Variants in ZBP1 observed in about 807,000 individuals in gnomAD.
The protein encoded by ZBP1 is Z-DNA-binding protein 1.
ZBP1 carries 42 observed loss-of-function variants against 41.1 expected under a neutral mutation model. The ratio of observed to expected loss-of-function variants is 1.02; its 90% CI spans 0.80 to 1.32. The LOEUF is 1.32. Among genes scored for constraint, ZBP1 ranks in the 40% most tolerant of loss-of-function variants. The probability of loss-of-function intolerance (pLI) is 0.00; values close to 1 mark genes in which losing one functional copy is unlikely to be tolerated. For missense variants in ZBP1, 562 were observed against 549.7 expected, an observed-to-expected ratio of 1.02 and a Z score of -0.22; for synonymous variants, 214 against 205.2, an observed-to-expected ratio of 1.04 and a Z score of -0.37.
At chr20:57,611,329 C>T (rs1351567239) in intron 6 of ZBP1, among the ~76,000 whole-genome samples, 1 of 151,966 alleles carries the variant, frequency 6.6e-6, no homozygotes, top group South Asian at 2.1e-4. Context: ...ACTGCAACCT[C>T]TGCCTCCCAG....
In ZBP1 at chr20:57,611,746, G is replaced by C. The variant is rs747511830; in HGVS notation, c.855C>G (p.Ile285Met). The change falls in exon 6 of 8, where the codon ATC (isoleucine) becomes ATG (methionine). Residue 285 changes from isoleucine (I) to methionine (M), a missense_variant. Ile to Met is a conservative substitution (Grantham distance 10, BLOSUM62 1). Transcript: ENST00000371173. Reference sequence around the variant, plus strand: ...AGTTACCTGGGGGGCTGCCAGGGGGGATGTGGGCAGGGCCCTCGGACGGGA... The same window carrying C: ...AGTTACCTGGGGGGCTGCCAGGGGGCATGTGGGCAGGGCCCTCGGACGGGA... ...HGVPSEGPAH[I>M]PPGSPPVSAT... 1.9e-6 allele frequency: 3 copies of C among 1,611,224 alleles called. No individual in the cohort carries two copies. Among genetic ancestry groups the C allele is most frequent in the Non-Finnish European group, 2.5e-6 (3 of 1,179,272 alleles).
chr20:57,610,192 TC>T lies in ZBP1; in HGVS notation c.1049del (p.Gly350GlufsTer50), dbSNP rs2070618680. ...MSISPGVAGP[G>X]GVAGSGEGEP... ...CCCCCTCTCCAGACCCTGCGACTCC[TC>T]CTGGGCCAGCCACCCCTGGGCTGAT... On this transcript the variant is annotated frameshift_variant, in exon 7 of 8. Transcript: ENST00000371173. LOFTEE classifies it low-confidence loss of function (END_TRUNC). The surrounding 1 kb of genome is among the most constrained non-coding windows in gnomAD (Gnocchi z 5.5). 6.2e-7 allele frequency: 1 copy of T among 1,614,118 alleles called. No individual in the cohort carries two copies. Among genetic ancestry groups the T allele is most frequent in the Middle Eastern group, 1.7e-4 (1 of 6,048 alleles).
At chr20:57,607,261 A>C in intron 7 of ZBP1, 1 of 1,303,524 alleles carries the variant, frequency 7.7e-7, no homozygotes, top group Non-Finnish European at 1.0e-6. Context: ...AAATTTCATG[A>C]ATGACTTTGA....
At chr20:57,620,167 C>T in intron 1 of ZBP1, 95 bp downstream of exon 1, 1 of 1,434,164 alleles carries the variant, frequency 7.0e-7, no homozygotes, top group African/African-American at 1.4e-5. Flanking sequence ...CTGCTATTGT[C>T]ATCATGATCT....
intron 7 of ZBP1, among the ~76,000 whole-genome samples, chr20:57,605,552 A>G (rs1045067700): frequency 6.6e-6 from 1 of 152,198 alleles, no homozygotes; most frequent in African/African-American, 2.4e-5. Context: ...CTAACCTGTC[A>G]CTGATCAGCC....
At chr20:57,615,300 C>G (rs1395297847) in intron 3 of ZBP1, 1 of 683,924 alleles carries the variant, frequency 1.5e-6, no homozygotes, top group African/African-American at 1.8e-5. Context: ...TGAGGGTCAG[C>G]TATTGTCTGA....
chr20:57,619,159 C>G (rs558552078), intron 1 of ZBP1, among the ~76,000 whole-genome samples: 3 of 152,210 alleles, frequency 2.0e-5, no homozygotes, highest in Non-Finnish European at 4.4e-5. Context: ...CGTGAGTCCC[C>G]GAAGAGGAAG....
chr20:57,610,374 G>T lies in ZBP1; in HGVS notation c.875-7C>A. On this transcript the variant is annotated splice_polypyrimidine_tract_variant and splice_region_variant and intron_variant, in intron 6 of 7. Coordinates refer to ENST00000371173, the MANE Select transcript of ZBP1 (RefSeq NM_030776.3). This position sits in a 1 kb window ranked among gnomAD's most constrained non-coding sequence, Gnocchi z 5.5. Reference sequence around the variant, plus strand: ...CCGGCAGCAGTGGCAGAGACTGTGGGTCAAAGGGAGAGAGGCCTGGAGCCA... The same window carrying T: ...CCGGCAGCAGTGGCAGAGACTGTGGTTCAAAGGGAGAGAGGCCTGGAGCCA... 6.2e-7 allele frequency: 1 copy of T among 1,614,002 alleles called. No individual in the cohort carries two copies. Among genetic ancestry groups the T allele is most frequent in the East Asian group, 2.2e-5 (1 of 44,878 alleles).
intron 3 of ZBP1, chr20:57,615,282 G>T: frequency 1.5e-6 from 1 of 678,096 alleles, no homozygotes; most frequent in Non-Finnish European, 2.5e-6. Flanking sequence ...CATGTGGCGG[G>T]TGCATGGTGA....
In ZBP1 at chr20:57,604,468, C is replaced by G. The variant is rs2070446332; in HGVS notation, c.*105G>C. 6 of 1,406,546 alleles carry G rather than the reference C, an allele frequency of 4.3e-6. No individual in the cohort carries two copies. The South Asian group carries it at 5.8e-5, about 14-fold the overall frequency. 87.1% of individuals were successfully genotyped at this position (1,406,546 alleles called of 1,614,324 possible). Reference sequence around the variant, plus strand: ...GATTCATGCAGGTTATGTCTGGAAGCAAGCAGGTCAAACAAGACGCTAAGG... The same window carrying G: ...GATTCATGCAGGTTATGTCTGGAAGGAAGCAGGTCAAACAAGACGCTAAGG... On this transcript the variant is annotated 3_prime_UTR_variant, in exon 8 of 8. Transcript: ENST00000371173.
Position 57,616,353 on chromosome 20 carries a change from G to C in ZBP1, c.150C>G (p.Tyr50Ter). ...APKRELNQVL[Y>*]RMKKELKVSL... The stretch of plus-strand genomic sequence containing the variant: ...AGACTTTCAACTCCTTTTTCATTCG[G>C]TAGAGGACTTGGTTGAGCTCCCTCT... The change falls in exon 2 of 8, where the codon TAC (tyrosine) becomes TAG (stop). Residue 50 changes from tyrosine (Y) to a stop codon, truncating the protein, a stop_gained. Coordinates refer to ENST00000371173, the MANE Select transcript of ZBP1 (RefSeq NM_030776.3). LOFTEE classifies it high-confidence loss of function. 6.2e-7 allele frequency: 1 copy of C among 1,614,226 alleles called. No homozygotes were observed. Among genetic ancestry groups the C allele is most frequent in the East Asian group, 2.2e-5 (1 of 44,880 alleles).
Position 57,610,512 on chromosome 20 carries a change from C to T in ZBP1, c.875-145G>A, listed in dbSNP as rs2070632652. ...CAGGAGCACAGCCTGTGCCTGCCCG[C>T]CACACCTCCACCCGCCACACCTCCG... On this transcript the variant is annotated intron_variant, in intron 6 of 7. Transcript: ENST00000371173. This position sits in a 1 kb window ranked among gnomAD's most constrained non-coding sequence, Gnocchi z 5.5. 22 of 741,896 alleles carry T rather than the reference C, an allele frequency of 3.0e-5. No individual in the cohort carries two copies. In the South Asian group the frequency reaches 3.4e-4, roughly 12 times the overall value. The allele number at this position is 741,896 out of a possible 1,614,324, so 46.0% of individuals were successfully genotyped here. A position where few individuals can be genotyped will look rare whatever the true frequency, so the allele number is the denominator to read the frequency against.
At chr20:57,605,649 A>G (rs1005085396) in intron 7 of ZBP1, among the ~76,000 whole-genome samples, 3 of 152,160 alleles carry the variant, frequency 2.0e-5, no homozygotes, top group African/African-American at 7.2e-5. Context: ...ATAACCCTAC[A>G]ATGGGCCGGG....
In ZBP1 at chr20:57,604,049, T is replaced by C. The variant is rs191899205; in HGVS notation, c.*524A>G. ...CGCCCGGCTAATTTTTTGTATTTTTTTTTTTAGTAGAGACGGGGTTTCACC... is the reference window on the plus strand; with the variant it reads ...CGCCCGGCTAATTTTTTGTATTTTTCTTTTTAGTAGAGACGGGGTTTCACC... On this transcript the variant is annotated 3_prime_UTR_variant, in exon 8 of 8. Coordinates refer to ENST00000371173, the MANE Select transcript of ZBP1 (RefSeq NM_030776.3). 1,352 of 192,658 alleles carry C rather than the reference T, an allele frequency of 7.0e-3. 14 individuals carry two copies. The highest frequency in any genetic ancestry group is 0.03 in the African/African-American group (1,275 of 42,038). The allele number at this position is 192,658 out of a possible 1,614,324, so 11.9% of individuals were successfully genotyped here.
rs1403886631 is a variant in ZBP1, at chr20:57,604,290, C to G, written c.*283G>C. 1 of 581,512 alleles carries G rather than the reference C, an allele frequency of 1.7e-6. No individual in the cohort carries two copies. The highest frequency in any genetic ancestry group is 1.6e-5 in the South Asian group (1 of 64,456). The allele number at this position is 581,512 out of a possible 1,614,324, so 36.0% of individuals were successfully genotyped here. On this transcript the variant is annotated 3_prime_UTR_variant, in exon 8 of 8. Transcript: ENST00000371173. The stretch of plus-strand genomic sequence containing the variant: ...GAGCCCAGGAAAGAGTGGAGAGAGT[C>G]CCCTGGGCCTGGGGGACCGAGCCCC...
At chr20:57,611,603 T>C in intron 6 of ZBP1, 124 bp downstream of exon 6, 1 of 1,136,346 alleles carries the variant, frequency 8.8e-7, no homozygotes. Context: ...CTGGTTCAGC[T>C]GCCTGGTGGA....
chr20:57,616,254 C>T lies in ZBP1; in HGVS notation c.249G>A (p.Leu83=), dbSNP rs1196343097. ...PEGEGPAELA[L]SSPAERPQQH... The stretch of plus-strand genomic sequence containing the variant: ...CGGGGTGGCAGTTACCAGGGCTGGA[C>T]AAGGCCAGCTCTGCAGGACCCTCGC... Residue 83 remains leucine (L), a synonymous_variant, in exon 2 of 8, where the codon TTG becomes TTA. Transcript: ENST00000371173. 1 of 1,614,040 alleles carries T rather than the reference C, an allele frequency of 6.2e-7. No homozygotes were observed. The highest frequency in any genetic ancestry group is 8.5e-7 in the Non-Finnish European group (1 of 1,179,980).
In ZBP1 at chr20:57,611,826, A is replaced by T; in HGVS notation, c.775T>A (p.Ser259Thr). ...CCCAGCTGCACCCGTCTCAGTATGG[A>T]CTGCTCCATGTGGATGTCCTGGGGC... Reference protein sequence around the residue: ...WGPQDIHMEQSILRRVQLGHS... With the variant: ...WGPQDIHMEQTILRRVQLGHS... Residue 259 changes from serine (S) to threonine (T), a missense_variant, in exon 6 of 8, where the codon TCC (serine) becomes ACC (threonine). Physicochemically the swap from Ser to Thr is moderately conservative, Grantham distance 58. Coordinates refer to ENST00000371173, the MANE Select transcript of ZBP1 (RefSeq NM_030776.3). The T allele has an allele frequency of 1.2e-6, 2 of 1,609,438 alleles. No homozygotes were observed. The highest frequency in any genetic ancestry group is 1.7e-4 in the Middle Eastern group (1 of 6,056).
At chr20:57,616,529 C>G in intron 1 of ZBP1, 61 bp from the exon 2 acceptor site, 2 of 1,592,644 alleles carry the variant, frequency 1.3e-6, no homozygotes, top group Non-Finnish European at 1.7e-6. Flanking sequence ...CACAGTTGAG[C>G]CCAGGCTGGA....
Sources: gnomAD v4.1 joint callset for allele counts (sites outside exome capture counted in the v4.1 genomes callset) on GRCh38, gnomAD v4.1.1 for gene constraint, Gnocchi (gnomAD v3.1) non-coding constraint, MANE v1.5 for transcripts, NCBI Gene and HGNC (gene_info 2026-07-23, HGNC 2026-07-21) for gene names.